Variants in DPF3 observed in about 807,000 individuals in gnomAD.
The protein encoded by DPF3 is double PHD fingers 3, also known as zinc finger protein DPF3.
Under a neutral mutation model 56.8 loss-of-function variants are expected in DPF3, and 18 were observed. The observed-to-expected ratio is 0.32, with a 90% CI of 0.22 to 0.47. DPF3 has a LOEUF of 0.47. Ranked by LOEUF, DPF3 falls within the 20% of genes least tolerant of loss-of-function variation. The pLI, the probability that DPF3 is intolerant of heterozygous loss-of-function variation, is 1.00. For missense variants in DPF3, 403 were observed against 488.8 expected (o/e 0.82, Z 1.65); for synonymous variants, 188 against 180.2 (o/e 1.04, Z -0.35).
intron 1 of DPF3, among the ~76,000 whole-genome samples, chr14:72,796,089 G>A (rs1892635978): frequency 1.3e-5 from 2 of 152,156 alleles, no homozygotes; most frequent in Admixed American, 1.3e-4. Flanking sequence ...AATCTCTCAG[G>A]TGAAGTTAAA....
chr14:72,757,453 C>A (rs1019585867), intron 2 of DPF3, among the ~76,000 whole-genome samples: 1 of 152,066 alleles, frequency 6.6e-6, no homozygotes, highest in African/African-American at 2.4e-5. Context: ...CAGCAAACAG[C>A]TACATCCCAA....
chr14:72,785,082 T>G (rs1442590398), intron 1 of DPF3, among the ~76,000 whole-genome samples: 1 of 152,022 alleles, frequency 6.6e-6, no homozygotes, highest in Non-Finnish European at 1.5e-5. Flanking sequence ...GGCCAGGAGT[T>G]GAATACCAGC....
At chr14:72,743,953 G>A (rs2139882296) in intron 3 of DPF3, among the ~76,000 whole-genome samples, 1 of 152,348 alleles carries the variant, frequency 6.6e-6, no homozygotes, top group Admixed American at 6.5e-5. Context: ...ATAATGTTGT[G>A]TGTGTTGTCC....
chr14:72,764,239 A>G (rs1208993435), intron 2 of DPF3, among the ~76,000 whole-genome samples: 1 of 152,178 alleles, frequency 6.6e-6, no homozygotes, highest in African/African-American at 2.4e-5. Flanking sequence ...CTAATGGCCA[A>G]TGATTTAATC....
chr14:72,689,705 G>A (rs1887591455), intron 7 of DPF3, among the ~76,000 whole-genome samples: 1 of 152,220 alleles, frequency 6.6e-6, no homozygotes, highest in Admixed American at 6.5e-5. Flanking sequence ...GAATGTGGGA[G>A]GGAGCAGAGC....
chr14:72,720,878 AT>A (rs890493644), intron 5 of DPF3, among the ~76,000 whole-genome samples: 8 of 152,178 alleles, frequency 5.3e-5, no homozygotes, highest in African/African-American at 1.9e-4. Context: ...CCAGCAGCAC[AT>A]TTTTTTTAAA....
At chr14:72,766,063 T>C (rs1455320723) in intron 2 of DPF3, among the ~76,000 whole-genome samples, 1 of 152,228 alleles carries the variant, frequency 6.6e-6, no homozygotes, top group Admixed American at 6.5e-5. Flanking sequence ...TTGCGAGTCA[T>C]GGATATGTTC....
intron 8 of DPF3, among the ~76,000 whole-genome samples, chr14:72,666,657 A>C (rs1390327856): frequency 6.6e-6 from 1 of 152,220 alleles, no homozygotes; most frequent in Non-Finnish European, 1.5e-5. Flanking sequence ...TCTAATAGGG[A>C]AAGAAATGTC....
At chr14:72,782,213 C>T (rs1025393133) in intron 1 of DPF3, among the ~76,000 whole-genome samples, 1 of 142,460 alleles carries the variant, frequency 7.0e-6, no homozygotes, top group East Asian at 2.1e-4. Flanking sequence ...ATTCTCTATA[C>T]AGCAGCCCAA....
chr14:72,850,394 A>G (rs1884929500), intron 1 of DPF3, among the ~76,000 whole-genome samples: 1 of 152,082 alleles, frequency 6.6e-6, no homozygotes, highest in Non-Finnish European at 1.5e-5. Context: ...GGAGTTTGAC[A>G]CGCCCACAGC....
chr14:72,817,113 G>C (rs148352081), intron 1 of DPF3, among the ~76,000 whole-genome samples: 1 of 152,046 alleles, frequency 6.6e-6, no homozygotes. Flanking sequence ...TCACAGCCCC[G>C]GGGGGACAGC....
intron 1 of DPF3, among the ~76,000 whole-genome samples, chr14:72,852,304 C>A (rs1885016004): frequency 6.6e-6 from 1 of 152,224 alleles, no homozygotes; most frequent in South Asian, 2.1e-4. Flanking sequence ...CCCAGCCGGG[C>A]ACCAGAGTTA....
intron 4 of DPF3, among the ~76,000 whole-genome samples, chr14:72,728,441 G>A (rs1402649851): frequency 6.6e-6 from 1 of 152,168 alleles, no homozygotes; most frequent in African/African-American, 2.4e-5. Context: ...CTGAAGAACA[G>A]AGCGGCGAAA....
At chr14:72,875,356 A>T (rs1886071852) in intron 1 of DPF3, among the ~76,000 whole-genome samples, 1 of 152,152 alleles carries the variant, frequency 6.6e-6, no homozygotes. Flanking sequence ...GCAGTGAGCC[A>T]TGATTGCGCC....
At chr14:72,861,802 A>AGAAAGAAG (rs1885449378) in intron 1 of DPF3, among the ~76,000 whole-genome samples, 1 of 144,130 alleles carries the variant, frequency 6.9e-6, no homozygotes, top group African/African-American at 2.9e-5. Context: ...AAAGAAAGAA[A>AGAAAGAAG]GAAGGAAAGA....
chr14:72,671,385 A>C, intron 8 of DPF3: 1 of 1,603,660 alleles, frequency 6.2e-7, no homozygotes, highest in South Asian at 1.1e-5. Context: ...AGCAACAGAC[A>C]GCATTATTAA....
intron 1 of DPF3, chr14:72,879,930 T>G (rs1311305241): frequency 6.6e-7 from 1 of 1,509,348 alleles, no homozygotes; most frequent in South Asian, 1.2e-5. Context: ...ACAACTTTCA[T>G]AGGATTCTTG....
At chr14:72,832,710 C>A (rs944038212) in intron 1 of DPF3, among the ~76,000 whole-genome samples, 2 of 152,184 alleles carry the variant, frequency 1.3e-5, no homozygotes, top group Non-Finnish European at 2.9e-5. Flanking sequence ...AATTCTTTCA[C>A]ATGAGTAAAT....
chr14:72,809,772 C>G (rs1882955775), intron 1 of DPF3, among the ~76,000 whole-genome samples: 1 of 152,148 alleles, frequency 6.6e-6, no homozygotes, highest in Non-Finnish European at 1.5e-5. Flanking sequence ...TCACTTAGCT[C>G]TCCAGGGAAT....
Sources: gnomAD v4.1 joint callset for allele counts (sites outside exome capture counted in the v4.1 genomes callset) on GRCh38, gnomAD v4.1.1 for gene constraint, MANE v1.5 for transcripts, NCBI Gene and HGNC (gene_info 2026-07-23, HGNC 2026-07-21) for gene names.